Variants in TMEM164 observed in about 807,000 individuals in gnomAD.
TMEM164 encodes the protein transmembrane protein 164.
In TMEM164, 4 loss-of-function variants were observed where a neutral mutation model predicts 18.8. The ratio of observed to expected loss-of-function variants is 0.21; its 90% CI spans 0.10 to 0.49. TMEM164 has a LOEUF of 0.49. Ranked by LOEUF, TMEM164 falls within the 20% of genes least tolerant of loss-of-function variation. The pLI is 0.98. For synonymous variants in TMEM164, 86 were observed against 101.7 expected (o/e 0.85, Z 0.93); for missense variants, 108 against 239.9 (o/e 0.45, Z 3.63).
In TMEM164 at chrX:110,085,566, C is replaced by T. The variant is rs530661977; in HGVS notation, c.440+18170C>T. 5.4e-5 allele frequency among the ~76,000 whole-genome samples: 6 copies of T among 110,954 alleles called. No homozygotes were observed. In the South Asian group the frequency reaches 2.3e-3, roughly 42 times the overall value. On this transcript the variant is annotated intron_variant, in intron 3 of 6. Transcript: ENST00000372068. The stretch of plus-strand genomic sequence containing the variant: ...GACTATCCTCAAGCTCAGATTCTCT[C>T]TCATATTGGTTAGAACCCTTTTCAG...
At position 110,176,716 on chromosome X, in the gene TMEM164, G is replaced by A. The variant is rs910525195; in HGVS notation, c.*3265G>A. The A allele has an allele frequency of 2.7e-5, 3 of 111,072 alleles. No individual in the cohort carries two copies. Among genetic ancestry groups the A allele is most frequent in the African/African-American group, 9.8e-5 (3 of 30,461 alleles). The allele number at this position is 111,072 out of a possible 1,213,427, so 9.2% of individuals were successfully genotyped here. A position where few individuals can be genotyped will look rare whatever the true frequency, so the allele number is the denominator to read the frequency against. On this transcript the variant is annotated 3_prime_UTR_variant, in exon 7 of 7. Coordinates refer to ENST00000372068, the MANE Select transcript of TMEM164 (RefSeq NM_032227.4). ...TATTGGGGCAGGGCAGTGCCCTGGG[G>A]GTAAGCTAGGTGGCTCAGGGAGTGG...
chrX:110,134,155 G>A (rs1352643698), intron 4 of TMEM164, among the ~76,000 whole-genome samples: 1 of 111,520 alleles, frequency 9.0e-6, no homozygotes, highest in East Asian at 2.8e-4. Flanking sequence ...AGCTGGCTAG[G>A]GGAAGGCACC....
At chrX:110,158,039 A>T (rs939253067) in intron 5 of TMEM164, among the ~76,000 whole-genome samples, 23 of 109,363 alleles carry the variant, frequency 2.1e-4, no homozygotes, top group African/African-American at 8.0e-4. Context: ...GGCACATGCC[A>T]CCATGCTTGG....
At chrX:110,095,458 C>T (rs1446861672) in intron 3 of TMEM164, among the ~76,000 whole-genome samples, 1 of 111,800 alleles carries the variant, frequency 8.9e-6, no homozygotes, top group Non-Finnish European at 1.9e-5. Context: ...CCCTTTCTTC[C>T]ACTTGATTGA....
rs183677396 is a variant in TMEM164, at chrX:110,004,185, C to G, written c.390+21C>G. ...TGCATGTGAGTCTGTTGACTTTTTC[C>G]TGGGCATCCTAAGTGATAAGAGTCA... On this transcript the variant is annotated intron_variant, in intron 2 of 6. Transcript: ENST00000372068. 2.0e-5 allele frequency: 24 copies of G among 1,175,655 alleles called. No homozygotes were observed. The African/African-American group carries it at 2.7e-4, about 13-fold the overall frequency.
intron 3 of TMEM164, among the ~76,000 whole-genome samples, chrX:110,089,082 A>G (rs2065891819): frequency 8.9e-6 from 1 of 112,082 alleles, no homozygotes; most frequent in Non-Finnish European, 1.9e-5. Flanking sequence ...GTTAGATAGG[A>G]GCTGTGCAGT....
chrX:110,156,100 G>A (rs141273936), intron 5 of TMEM164, among the ~76,000 whole-genome samples: 9,920 of 111,086 alleles, frequency 0.089, 460 homozygotes, highest in Middle Eastern at 0.17. Context: ...AAACTTATCT[G>A]CTGACAGGTT....
intron 4 of TMEM164, among the ~76,000 whole-genome samples, chrX:110,139,880 G>A (rs759089764): frequency 2.0e-4 from 22 of 110,499 alleles, no homozygotes; most frequent in Admixed American, 2.9e-4. Flanking sequence ...ATTAGAGGGA[G>A]TGAATTGGCC....
chrX:110,050,245 G>T (rs1935495013), intron 2 of TMEM164, among the ~76,000 whole-genome samples: 1 of 110,819 alleles, frequency 9.0e-6, no homozygotes, highest in Non-Finnish European at 1.9e-5. Context: ...ACCAAACTCT[G>T]GGCCATTTGC....
intron 2 of TMEM164, among the ~76,000 whole-genome samples, chrX:110,035,901 T>C (rs889166539): frequency 2.7e-5 from 3 of 110,890 alleles, no homozygotes; most frequent in Non-Finnish European, 3.8e-5. Flanking sequence ...TGGATGTTTT[T>C]AAGGAGCTTA....
chrX:110,143,952 C>A (rs2066812476), intron 4 of TMEM164, among the ~76,000 whole-genome samples: 1 of 111,861 alleles, frequency 8.9e-6, no homozygotes, highest in Non-Finnish European at 1.9e-5. Flanking sequence ...CCATTCTCTG[C>A]CCGCTGCGAA....
At chrX:110,164,613 A>T (rs1245391051) in intron 5 of TMEM164, among the ~76,000 whole-genome samples, 1 of 111,433 alleles carries the variant, frequency 9.0e-6, no homozygotes, top group African/African-American at 3.3e-5. Flanking sequence ...AGGATGCTGG[A>T]AGGTTCATCT....
At chrX:110,030,421 C>CTT (rs367617232) in intron 2 of TMEM164, among the ~76,000 whole-genome samples, 12 of 90,891 alleles carry the variant, frequency 1.3e-4, no homozygotes, top group African/African-American at 4.0e-4. Flanking sequence ...CATTCGGCCT[C>CTT]TTTTTTTTTT....
intron 4 of TMEM164, among the ~76,000 whole-genome samples, chrX:110,130,296 C>T (rs2066594760): frequency 8.9e-6 from 1 of 111,810 alleles, no homozygotes; most frequent in Admixed American, 9.5e-5. Flanking sequence ...TAGTATAAGT[C>T]GGTGATTAAG....
At chrX:110,126,259 G>A (rs1287758573) in intron 4 of TMEM164, among the ~76,000 whole-genome samples, 1 of 111,782 alleles carries the variant, frequency 8.9e-6, no homozygotes, top group African/African-American at 3.3e-5. Flanking sequence ...ACAGAAGGAC[G>A]AGGGAATCCT....
At chrX:110,061,655 C>T (rs780222900) in intron 2 of TMEM164, among the ~76,000 whole-genome samples, 31 of 111,949 alleles carry the variant, frequency 2.8e-4, no homozygotes, top group Admixed American at 4.8e-4. Flanking sequence ...GGGATTTTAA[C>T]GCTTAACTCT....
intron 2 of TMEM164, among the ~76,000 whole-genome samples, chrX:110,055,720 G>T (rs1334538891): frequency 9.0e-6 from 1 of 111,518 alleles, no homozygotes; most frequent in African/African-American, 3.3e-5. Flanking sequence ...TTTGAACTGG[G>T]CTTTGTGAAA....
chrX:110,152,056 C>CTTTTTTTTTTTT (rs755801649), intron 5 of TMEM164, among the ~76,000 whole-genome samples: 1 of 77,494 alleles, frequency 1.3e-5, no homozygotes, highest in African/African-American at 5.4e-5. Flanking sequence ...CTTTTCTTTT[C>CTTTTTTTTTTTT]TTTTTTTTTT....
At chrX:110,100,341 C>G (rs2066090149) in intron 3 of TMEM164, among the ~76,000 whole-genome samples, 1 of 110,302 alleles carries the variant, frequency 9.1e-6, no homozygotes, top group Non-Finnish European at 1.9e-5. Flanking sequence ...TGAGGAAGTT[C>G]CCTACATCAG....
Sources: gnomAD v4.1 joint callset for allele counts (sites outside exome capture counted in the v4.1 genomes callset) on GRCh38, gnomAD v4.1.1 for gene constraint, MANE v1.5 for transcripts, NCBI Gene and HGNC (gene_info 2026-07-23, HGNC 2026-07-21) for gene names.